Variants in KLF8 observed in about 807,000 individuals in gnomAD.
The protein encoded by KLF8 is KLF transcription factor 8.
KLF8 carries 10 observed loss-of-function variants against 18.2 expected under a neutral mutation model. That is an observed-to-expected ratio of 0.55 (90% CI 0.34 to 0.93). The LOEUF (loss-of-function observed/expected upper bound fraction) is 0.93. Among genes scored for constraint, KLF8 ranks in the 40% least tolerant of loss-of-function variants. The pLI is 0.02. For missense variants in KLF8, 264 were observed against 277.9 expected, an observed-to-expected ratio of 0.95 and a Z score of 0.36; for synonymous variants, 109 against 97.3, an observed-to-expected ratio of 1.12 and a Z score of -0.71.
At chrX:56,281,497 C>A (rs1331060587) in intron 5 of KLF8, among the ~76,000 whole-genome samples, 2 of 111,796 alleles carry the variant, frequency 1.8e-5, no homozygotes, top group African/African-American at 6.5e-5. Context: ...GCAACCTCTG[C>A]CTCCCGGGTT....
At chrX:56,214,118 C>T in the KLF8 span, among the ~76,000 whole-genome samples, 1 of 110,917 alleles carries the variant, frequency 9.0e-6, no homozygotes, top group Non-Finnish European at 1.9e-5. Flanking sequence ...TTCTTCTCTT[C>T]TCCCCTTCTC....
chrX:56,143,000 A>G, the KLF8 span, among the ~76,000 whole-genome samples: 2 of 111,508 alleles, frequency 1.8e-5, no homozygotes, highest in Admixed American at 9.6e-5. Flanking sequence ...AGACATTGTC[A>G]CTCCTCTCTT....
chrX:56,060,273 G>A, the KLF8 span, among the ~76,000 whole-genome samples: 2 of 111,975 alleles, frequency 1.8e-5, no homozygotes, highest in Non-Finnish European at 3.8e-5. Context: ...AGTTTTCAAA[G>A]GGAATGCTTC....
the KLF8 span, among the ~76,000 whole-genome samples, chrX:56,221,528 G>A: frequency 2.7e-5 from 3 of 111,506 alleles, no homozygotes; most frequent in Admixed American, 9.5e-5. Context: ...TAAAGGCAGC[G>A]TGTCAGGAGT....
At chrX:56,020,423 TAAAG>T in the KLF8 span, among the ~76,000 whole-genome samples, 12 of 111,766 alleles carry the variant, frequency 1.1e-4, no homozygotes, top group Non-Finnish European at 1.9e-4. Context: ...CAGTGGGCCT[TAAAG>T]TAAGGTAGTA....
the KLF8 span, among the ~76,000 whole-genome samples, chrX:56,095,684 C>T: frequency 9.0e-6 from 1 of 111,203 alleles, no homozygotes; most frequent in Non-Finnish European, 1.9e-5. Flanking sequence ...ATACGAGTGA[C>T]TAAGAAACAT....
Position 56,269,405 on chromosome X carries a change from C to T in KLF8, c.674C>T (p.Pro225Leu). 1 of 1,209,110 alleles carries T rather than the reference C, an allele frequency of 8.3e-7. No individual in the cohort carries two copies. Among genetic ancestry groups the T allele is most frequent in the Non-Finnish European group, 1.1e-6 (1 of 894,398 alleles). ...SVKVDPTSMS[P>L]LEIPSDSEES... ...AAAGTTGACCCCACCTCCATGTCTC[C>T]ACTGGAAATTCCAAGTGACAGTGAG... Residue 225 changes from proline to leucine, a missense_variant, in exon 4 of 6, where the codon CCA (proline) becomes CTA (leucine). Pro to Leu is a moderately conservative substitution (Grantham distance 98). This residue lies in a region of KLF8 where 221 missense variants were observed against 193.6 expected (regional missense o/e 1.14). Coordinates refer to ENST00000468660, the MANE Select transcript of KLF8 (RefSeq NM_007250.5).
chrX:56,214,279 G>A, the KLF8 span, among the ~76,000 whole-genome samples: 1 of 111,826 alleles, frequency 8.9e-6, no homozygotes, highest in South Asian at 3.8e-4. Flanking sequence ...TTGAGGGTGG[G>A]GCCCTTGCCA....
Position 56,285,201 on chromosome X carries a change from C to A in KLF8, c.*707C>A, listed in dbSNP as rs1569195457. 1.8e-5 allele frequency: 2 copies of A among 111,432 alleles called. No homozygotes were observed. The highest frequency in any genetic ancestry group is 3.8e-5 in the Non-Finnish European group (2 of 53,105). The allele number at this position is 111,432 out of a possible 1,213,427, so 9.2% of individuals were successfully genotyped here. A position where few individuals can be genotyped will look rare whatever the true frequency, so the allele number is the denominator to read the frequency against. Reference sequence around the variant, plus strand: ...TCTTTTTTTTCTTTTCCACTTTCTCCTTCAGGATTAAAGATTTTGCTGCAC... The same window carrying A: ...TCTTTTTTTTCTTTTCCACTTTCTCATTCAGGATTAAAGATTTTGCTGCAC... On this transcript the variant is annotated 3_prime_UTR_variant, in exon 6 of 6. Coordinates refer to ENST00000468660, the MANE Select transcript of KLF8 (RefSeq NM_007250.5).
At chrX:56,050,820 C>A in the KLF8 span, among the ~76,000 whole-genome samples, 1 of 109,817 alleles carries the variant, frequency 9.1e-6, no homozygotes, top group Non-Finnish European at 1.9e-5. Flanking sequence ...TCCTGGGTAT[C>A]CTTGTTGACT....
the KLF8 span, among the ~76,000 whole-genome samples, chrX:56,107,324 A>G: frequency 8.9e-6 from 1 of 112,148 alleles, no homozygotes; most frequent in African/African-American, 3.2e-5. Context: ...CTGCCCACAG[A>G]GGTGGAATCT....
At chrX:56,153,181 T>C in the KLF8 span, among the ~76,000 whole-genome samples, 1 of 111,035 alleles carries the variant, frequency 9.0e-6, no homozygotes, top group East Asian at 2.8e-4. Context: ...AATATTGCAT[T>C]TCCCAAAAGA....
At chrX:56,220,689 T>C in the KLF8 span, among the ~76,000 whole-genome samples, 2 of 111,093 alleles carry the variant, frequency 1.8e-5, no homozygotes, top group African/African-American at 6.5e-5. Context: ...GGTTTCACCA[T>C]GTTGGCCAGG....
Position 56,286,713 on chromosome X carries a change from G to A in KLF8, c.*2219G>A, listed in dbSNP as rs1324429314. The A allele has an allele frequency of 8.9e-6, 1 of 111,868 alleles. No individual in the cohort carries two copies. The highest frequency in any genetic ancestry group is 3.3e-5 in the African/African-American group (1 of 30,755). The allele number at this position is 111,868 out of a possible 1,213,427, so 9.2% of individuals were successfully genotyped here. On this transcript the variant is annotated 3_prime_UTR_variant, in exon 6 of 6. Coordinates refer to ENST00000468660, the MANE Select transcript of KLF8 (RefSeq NM_007250.5). The stretch of plus-strand genomic sequence containing the variant: ...TGAACTCTCCATAAATCCAAGAACT[G>A]CCTGTAGTTTTCAAAATGACATGTG...
the KLF8 span, among the ~76,000 whole-genome samples, chrX:56,038,679 T>C: frequency 2.7e-5 from 3 of 112,564 alleles, no homozygotes; most frequent in Non-Finnish European, 5.6e-5. Context: ...AATGAACATA[T>C]GCATGCATGT....
the KLF8 span, among the ~76,000 whole-genome samples, chrX:56,177,713 A>C: frequency 9.0e-6 from 1 of 111,567 alleles, no homozygotes; most frequent in African/African-American, 3.3e-5. Context: ...GAGTCTACAG[A>C]GGCAGGCAGG....
chrX:56,117,161 A>C, the KLF8 span, among the ~76,000 whole-genome samples: 1 of 111,770 alleles, frequency 8.9e-6, no homozygotes, highest in South Asian at 3.8e-4. Context: ...CAAGCCATGA[A>C]ATACCTTGTG....
At chrX:56,168,519 T>C in the KLF8 span, among the ~76,000 whole-genome samples, 1 of 112,253 alleles carries the variant, frequency 8.9e-6, no homozygotes, top group Admixed American at 9.4e-5. Context: ...ATTATTATAC[T>C]TTAAGTTCTA....
At chrX:56,185,743 T>C in the KLF8 span, among the ~76,000 whole-genome samples, 2 of 111,846 alleles carry the variant, frequency 1.8e-5, no homozygotes, top group Non-Finnish European at 3.8e-5. Context: ...GAAAAGAATT[T>C]TCAACCCAGA....
Sources: gnomAD v4.1 joint callset for allele counts (sites outside exome capture counted in the v4.1 genomes callset) on GRCh38, gnomAD v4.1.1 for gene constraint, gnomAD v4.1.1 regional missense constraint, MANE v1.5 for transcripts, NCBI Gene and HGNC (gene_info 2026-07-23, HGNC 2026-07-21) for gene names.